Variants in DDX11 observed in about 807,000 individuals in gnomAD.
DDX11 encodes DEAD/H-box helicase 11.
Under a neutral mutation model 125.2 loss-of-function variants are expected in DDX11, and 72 were observed. That is an observed-to-expected ratio of 0.58 (90% CI 0.48 to 0.70). The LOEUF (loss-of-function observed/expected upper bound fraction) is 0.70. Among genes scored for constraint, DDX11 ranks in the 30% least tolerant of loss-of-function variants. DDX11 has a pLI of 0.00. For missense variants in DDX11, 883 were observed against 1,165.0 expected (o/e 0.76, Z 3.52); for synonymous variants, 347 against 452.6 (o/e 0.77, Z 2.96).
rs1326531154 is a variant in DDX11 at position 31,084,591 on chromosome 12, G to A, written c.402G>A (p.Gln134=). 13 of 1,597,030 alleles carry A rather than the reference G, an allele frequency of 8.1e-6. No homozygotes were observed. In the Admixed American group the frequency reaches 8.6e-5, roughly 11 times the overall value. Residue 134 remains glutamine (Q), a synonymous_variant, in exon 4 of 27, where the codon CAG becomes CAA. Transcript: ENST00000542838. ...ATGTCTGCCTCCTGTAGGCGGAGCA[G>A]GCCAGGAGGAAGCAGCGAGAAGAAC... ...RDLVDRLKAE[Q]ARRKQREERL... is the part of the protein sequence containing the mutation.
rs759363073 is a variant in DDX11, at chr12:31,104,052, C to T, written c.*216C>T. On this transcript the variant is annotated 3_prime_UTR_variant, in exon 27 of 27. Coordinates refer to ENST00000542838, the MANE Select transcript of DDX11 (RefSeq NM_030653.4). Reference sequence around the variant, plus strand: ...TGAATGAACAGTGGGTCCTGGCTGTCCTTGGGGCGTTCCAGGGCAGCTCCC... The same window carrying T: ...TGAATGAACAGTGGGTCCTGGCTGTTCTTGGGGCGTTCCAGGGCAGCTCCC... The T allele has an allele frequency of 1.4e-5, 21 of 1,546,760 alleles. No individual in the cohort carries two copies. Among genetic ancestry groups the T allele is most frequent in the Non-Finnish European group, 1.7e-5 (19 of 1,144,498 alleles).
chr12:31,102,307 T>A lies in DDX11; in HGVS notation c.2267T>A (p.Ile756Asn). 1 of 1,614,108 alleles carries A rather than the reference T, an allele frequency of 6.2e-7. No homozygotes were observed. Among genetic ancestry groups the A allele is most frequent in the Non-Finnish European group, 8.5e-7 (1 of 1,179,950 alleles). Reference sequence around the variant, plus strand: ...GTGCTGCTGGCATATTCCAGGTGCATCCAGGTGCGGGCGTCATGCTGGGCT... The same window carrying A: ...GTGCTGCTGGCATATTCCAGGTGCAACCAGGTGCGGGCGTCATGCTGGGCT... ...EQVLLAYSRCIQACGQERGQV... is the reference protein window; with the variant it reads ...EQVLLAYSRCNQACGQERGQV... Residue 756 changes from isoleucine to asparagine, a missense_variant, in exon 22 of 27, where the codon ATC becomes AAC. This residue lies in a region of DDX11 where 285 missense variants were observed against 346.0 expected (regional missense o/e 0.82). Coordinates refer to ENST00000542838, the MANE Select transcript of DDX11 (RefSeq NM_030653.4).
chr12:31,092,912 G>C lies in DDX11; in HGVS notation c.1289+20G>C, dbSNP rs747501890. 1 of 1,613,994 alleles carries C rather than the reference G, an allele frequency of 6.2e-7. No individual in the cohort carries two copies. Among genetic ancestry groups the C allele is most frequent in the Non-Finnish European group, 8.5e-7 (1 of 1,179,842 alleles). ...ATACGGGTGAGATGTGACCCTCTGA[G>C]GTAGTGGGACAGTCCCTTGGTGGCC... is the stretch of plus-strand genomic sequence containing the variant. On this transcript the variant is annotated intron_variant, in intron 11 of 26. Transcript: ENST00000542838.
chr12:31,095,761 T>C (rs1945113199), intron 14 of DDX11, among the ~76,000 whole-genome samples: 2 of 152,200 alleles, frequency 1.3e-5, no homozygotes, highest in Admixed American at 6.5e-5. Context: ...GCCTTCCCTT[T>C]GCCCTCCTTG....
chr12:31,102,120 TTCCCCCAAAG>T (rs1421476755), intron 21 of DDX11, 113 bp from the exon 22 acceptor site: 2 of 1,218,738 alleles, frequency 1.6e-6, no homozygotes, highest in East Asian at 5.7e-5. Flanking sequence ...TACAGAGGAT[TTCCCCCAAAG>T]TCCCTGGCTG....
intron 12 of DDX11, chr12:31,094,174 C>T: frequency 6.8e-6 from 2 of 292,476 alleles, no homozygotes; most frequent in Non-Finnish European, 1.3e-5. Context: ...GAAGTGGAAG[C>T]TGCAGAAAGC....
In DDX11 at chr12:31,091,767, G is replaced by A. The variant is rs192257386; in HGVS notation, c.1138G>A (p.Ala380Thr). 52 of 1,613,770 alleles carry A rather than the reference G, an allele frequency of 3.2e-5. No homozygotes were observed. The East Asian group carries it at 1.0e-3, about 31-fold the overall frequency. ...GCTGCTGCATGCGGCCACTCGGCAGGCCGCGGGCATCCGGCTGCAGGACCA... is the reference window on the plus strand; with the variant it reads ...GCTGCTGCATGCGGCCACTCGGCAGACCGCGGGCATCCGGCTGCAGGACCA... Reference protein sequence around the residue: ...QMLLHAATRQAAGIRLQDQVV... With the variant: ...QMLLHAATRQTAGIRLQDQVV... The change falls in exon 10 of 27, where the codon GCC becomes ACC. Residue 380 changes from alanine to threonine, a missense_variant. This residue lies in a region of DDX11 where 72 missense variants were observed against 159.7 expected (regional missense o/e 0.45). Coordinates refer to ENST00000542838, the MANE Select transcript of DDX11 (RefSeq NM_030653.4).
chr12:31,097,763 T>C, intron 17 of DDX11, 122 bp from the exon 18 acceptor site: 1 of 721,382 alleles, frequency 1.4e-6, no homozygotes, highest in South Asian at 1.4e-5. Flanking sequence ...TGGTGTTTAA[T>C]TTAAAGAGAA....
At position 31,101,770 on chromosome 12, in the gene DDX11, G is replaced by A. The variant is rs987577712; in HGVS notation, c.2053-63G>A. The A allele has an allele frequency of 6.2e-6, 10 of 1,608,938 alleles. No individual in the cohort carries two copies. In the Admixed American group the frequency reaches 1.3e-4, roughly 21 times the overall value. On this transcript the variant is annotated intron_variant, in intron 20 of 26. Coordinates refer to ENST00000542838, the MANE Select transcript of DDX11 (RefSeq NM_030653.4). ...TTTTGAGTCTCAAGGTGAAGACGCG[G>A]TTTGTGGGTGGCTGAGGGGTTGCTC... is the stretch of plus-strand genomic sequence containing the variant.
chr12:31,099,084 C>CTTTTTTTTTTTT (rs763612105), intron 18 of DDX11, among the ~76,000 whole-genome samples: 34 of 63,716 alleles, frequency 5.3e-4, no homozygotes, highest in African/African-American at 1.5e-3. Context: ...TTCTTTCTTT[C>CTTTTTTTTTTTT]TTTTTTTTTT....
intron 20 of DDX11, 153 bp downstream of exon 20, chr12:31,101,283 G>C: frequency 2.8e-6 from 2 of 702,140 alleles, no homozygotes; most frequent in Non-Finnish European, 5.1e-6. Context: ...GAGCGGCGTC[G>C]ATCTAGATGC....
At position 31,100,726 on chromosome 12, in the gene DDX11, G is replaced by A. The variant is rs1380161859; in HGVS notation, c.1948+19G>A. On this transcript the variant is annotated intron_variant, in intron 19 of 26. Coordinates refer to ENST00000542838, the MANE Select transcript of DDX11 (RefSeq NM_030653.4). The stretch of plus-strand genomic sequence containing the variant: ...TCCTGTGGTGAGAAGCTGTGCCCAG[G>A]GTGGGGCAGGCTAGAGGTCAGGTTC... 3 of 1,551,240 alleles carry A rather than the reference G, an allele frequency of 1.9e-6. No individual in the cohort carries two copies. The South Asian group carries it at 3.6e-5, about 18-fold the overall frequency.
At chr12:31,074,991 A>G (rs1940499176) in intron 1 of DDX11, among the ~76,000 whole-genome samples, 5 of 152,194 alleles carry the variant, frequency 3.3e-5, no homozygotes, top group Admixed American at 3.3e-4. Flanking sequence ...CTCAGTAATG[A>G]GTGATAATTG....
chr12:31,085,515 G>A (rs1347067390), intron 5 of DDX11, among the ~76,000 whole-genome samples: 4 of 152,252 alleles, frequency 2.6e-5, no homozygotes, highest in African/African-American at 9.6e-5. Context: ...ACTGCACTGG[G>A]TAACCTGTGA....
chr12:31,087,726 T>C (rs1375258358), intron 5 of DDX11: 1 of 811,836 alleles, frequency 1.2e-6, no homozygotes, highest in African/African-American at 1.7e-5. Context: ...CTTTCTCCTT[T>C]TTACATTTCC....
At chr12:31,103,118 C>T (rs1454749723) in intron 24 of DDX11, 98 bp downstream of exon 24, 24 of 1,463,262 alleles carry the variant, frequency 1.6e-5, no homozygotes, top group Admixed American at 7.2e-5. Context: ...TTCCCCGCTG[C>T]GCTGGCGTCT....
At chr12:31,092,807 A>T (rs2075321) in intron 10 of DDX11, 39 bp from the exon 11 acceptor site, 1 of 1,592,644 alleles carries the variant, frequency 6.3e-7, no homozygotes, top group Non-Finnish European at 8.6e-7. Flanking sequence ...CTTAGCCCTC[A>T]GCTGCTTGCT....
At chr12:31,075,375 T>C (rs2140364229) in intron 1 of DDX11, among the ~76,000 whole-genome samples, 1 of 152,356 alleles carries the variant, frequency 6.6e-6, no homozygotes, top group East Asian at 1.9e-4. Flanking sequence ...ATCCCACTTA[T>C]CCTGGTGGGA....
chr12:31,076,499 G>A (rs1940746604), intron 1 of DDX11, among the ~76,000 whole-genome samples: 1 of 152,096 alleles, frequency 6.6e-6, no homozygotes, highest in African/African-American at 2.4e-5. Flanking sequence ...GCAACCGGAT[G>A]AGCTTCACTA....
Sources: allele counts gnomAD v4.1 joint callset (sites outside exome capture counted in the v4.1 genomes callset), GRCh38; gene constraint gnomAD v4.1.1; regional missense constraint gnomAD v4.1.1; transcripts MANE v1.5; gene names NCBI Gene and HGNC (gene_info 2026-07-23, HGNC 2026-07-21).